The following STK32C variants were observed in gnomAD, a reference collection of about 807,000 sequenced individuals.
STK32C encodes the protein serine/threonine kinase 32C.
STK32C carries 31 observed loss-of-function variants against 56.5 expected under a neutral mutation model. The observed-to-expected ratio is 0.55, with a 90% CI of 0.41 to 0.74. The LOEUF (loss-of-function observed/expected upper bound fraction) is 0.74. Among genes scored for constraint, STK32C ranks in the 30% least tolerant of loss-of-function variants. The pLI, the probability that STK32C is intolerant of heterozygous loss-of-function variation, is 0.00. For synonymous variants in STK32C, 309 were observed against 289.4 expected (o/e 1.07, Z -0.69); for missense variants, 544 against 676.9 (o/e 0.80, Z 2.18).
At chr10:132,225,145 A>T in intron 7 of STK32C, 88 bp downstream of exon 7, 1 of 1,087,702 alleles carries the variant, frequency 9.2e-7, no homozygotes. Flanking sequence ...GCACCTGGAC[A>T]CTGGGGCAGC....
chr10:132,304,027 G>A (rs536180920), intron 1 of STK32C, among the ~76,000 whole-genome samples: 4 of 152,332 alleles, frequency 2.6e-5, no homozygotes, highest in African/African-American at 9.6e-5. Context: ...CCAATTGAGC[G>A]GCCACACGTG....
At chr10:132,298,093 T>C (rs2065808120) in intron 1 of STK32C, among the ~76,000 whole-genome samples, 1 of 152,192 alleles carries the variant, frequency 6.6e-6, no homozygotes, top group Non-Finnish European at 1.5e-5. Context: ...CACCACTCCC[T>C]GAAGGTCACG....
At chr10:132,267,508 CGTGT>C (rs71472734) in intron 1 of STK32C, among the ~76,000 whole-genome samples, 30,890 of 147,368 alleles carry the variant, frequency 0.21, 3,578 homozygotes, top group Non-Finnish European at 0.3. Context: ...TGTCCCACAT[CGTGT>C]GTGTGTCAGT....
chr10:132,246,071 A>G (rs1456142754), intron 1 of STK32C, 116 bp from the exon 2 acceptor site: 2 of 1,068,258 alleles, frequency 1.9e-6, no homozygotes, highest in Non-Finnish European at 1.4e-6. Context: ...TCATCCTAGA[A>G]GAGGGTCGCC....
At chr10:132,216,389 A>G (rs1278724572) in intron 10 of STK32C, among the ~76,000 whole-genome samples, 1 of 150,982 alleles carries the variant, frequency 6.6e-6, no homozygotes, top group Non-Finnish European at 1.5e-5. Context: ...ACTTGAACTT[A>G]GGAAGCGGAG....
intron 1 of STK32C, among the ~76,000 whole-genome samples, chr10:132,303,467 G>C (rs1227170710): frequency 6.6e-6 from 1 of 152,154 alleles, no homozygotes; most frequent in Non-Finnish European, 1.5e-5. Flanking sequence ...CATCCATAGA[G>C]AAAAAAGCTA....
intron 1 of STK32C, among the ~76,000 whole-genome samples, chr10:132,292,987 G>A (rs2065616816): frequency 6.6e-6 from 1 of 152,068 alleles, no homozygotes; most frequent in Non-Finnish European, 1.5e-5. Flanking sequence ...CAGGACACAA[G>A]ACTGAGCCAA....
intron 1 of STK32C, chr10:132,248,934 T>C: frequency 6.6e-6 from 3 of 456,420 alleles, no homozygotes; most frequent in South Asian, 3.1e-5. Context: ...GGTTAGTCCC[T>C]CCCGGAGAGG....
At chr10:132,262,694 C>T (rs1252072451) in intron 1 of STK32C, among the ~76,000 whole-genome samples, 2 of 142,236 alleles carry the variant, frequency 1.4e-5, no homozygotes, top group Non-Finnish European at 3.0e-5. Context: ...GTGTGGATCA[C>T]GAGGTCAGGA....
intron 1 of STK32C, among the ~76,000 whole-genome samples, chr10:132,246,498 C>T (rs564111227): frequency 7.9e-5 from 12 of 152,322 alleles, no homozygotes; most frequent in African/African-American, 2.2e-4. Flanking sequence ...CAACGAGAGG[C>T]GGCTCAGGGC....
At chr10:132,308,209 G>A (rs1030099931), upstream of STK32C, among the ~76,000 whole-genome samples, 5 of 152,084 alleles carry the variant, frequency 3.3e-5, no homozygotes, top group African/African-American at 7.2e-5. Context: ...GTGGTTCGCC[G>A]GGACACGGGG....
intron 1 of STK32C, among the ~76,000 whole-genome samples, chr10:132,254,464 G>A (rs1007015185): frequency 1.9e-4 from 29 of 150,766 alleles, no homozygotes; most frequent in Middle Eastern, 3.4e-3. Flanking sequence ...ATGTCACCCC[G>A]GCACAATGCG....
chr10:132,208,284 G>C, intron 11 of STK32C, 133 bp from the exon 12 acceptor site: 1 of 1,098,360 alleles, frequency 9.1e-7, no homozygotes. Flanking sequence ...CTCGGTGTCT[G>C]CTGGAGAGGC....
intron 1 of STK32C, among the ~76,000 whole-genome samples, chr10:132,282,177 C>G (rs1347133921): frequency 6.6e-6 from 1 of 152,122 alleles, no homozygotes; most frequent in Non-Finnish European, 1.5e-5. Flanking sequence ...GCTGAAAATG[C>G]CCAGTGCAGG....
At chr10:132,301,751 G>A (rs775166381) in intron 1 of STK32C, among the ~76,000 whole-genome samples, 29 of 152,252 alleles carry the variant, frequency 1.9e-4, no homozygotes, top group Non-Finnish European at 3.2e-4. Context: ...CCTTCAAGAG[G>A]ACTGAGAGGA....
chr10:132,264,646 G>A (rs1407355616), intron 1 of STK32C, among the ~76,000 whole-genome samples: 1 of 152,218 alleles, frequency 6.6e-6, no homozygotes, highest in Non-Finnish European at 1.5e-5. Context: ...CTGATGGGGG[G>A]CATGGATGCA....
In STK32C at chr10:132,253,491, AGG is replaced by A. The variant is rs1176311213; in HGVS notation, c.263-7538_263-7537del. On this transcript the variant is annotated intron_variant, in intron 1 of 11. Coordinates refer to ENST00000298630, the MANE Select transcript of STK32C (RefSeq NM_173575.4). ...AGCTGGAGGGAGTCGAGGGAGCTGG[AGG>A]GAGTCGAGGGAGCTGAGGGAGCTGA... is the stretch of plus-strand genomic sequence containing the variant. 3.1e-4 allele frequency among the ~76,000 whole-genome samples: 28 copies of A among 89,292 alleles called. No individual in the cohort carries two copies. The East Asian group carries it at 0.011, about 34-fold the overall frequency. The allele number at this position is 89,292 out of a possible 152,430, so 58.6% of individuals were successfully genotyped here. A position where few individuals can be genotyped will look rare whatever the true frequency, so the allele number is the denominator to read the frequency against.
chr10:132,307,426 C>T lies in STK32C; in HGVS notation c.262+146G>A. Reference sequence around the variant, plus strand: ...CCCAGAACTCGCGTGGGGCCGCAGCCACCCGGCGCGAGCTTCTCCGGAAGC... The same window carrying T: ...CCCAGAACTCGCGTGGGGCCGCAGCTACCCGGCGCGAGCTTCTCCGGAAGC... On this transcript the variant is annotated intron_variant, in intron 1 of 11. Coordinates refer to ENST00000298630, the MANE Select transcript of STK32C (RefSeq NM_173575.4). The surrounding 1 kb of genome is among the most constrained non-coding windows in gnomAD (Gnocchi z 4.4). 1.1e-6 allele frequency: 1 copy of T among 941,358 alleles called. No homozygotes were observed. The highest frequency in any genetic ancestry group is 3.7e-5 in the East Asian group (1 of 27,110). 58.3% of individuals were successfully genotyped at this position (941,358 alleles called of 1,614,324 possible).
At chr10:132,305,914 G>A (rs895658772) in intron 1 of STK32C, among the ~76,000 whole-genome samples, 2 of 152,164 alleles carry the variant, frequency 1.3e-5, no homozygotes, top group Non-Finnish European at 2.9e-5. Flanking sequence ...CAAGCCATAC[G>A]GAGCCAGCAG....
Sources: allele counts gnomAD v4.1 joint callset (sites outside exome capture counted in the v4.1 genomes callset), GRCh38; gene constraint gnomAD v4.1.1; non-coding constraint Gnocchi (gnomAD v3.1); transcripts MANE v1.5; gene names NCBI Gene and HGNC (gene_info 2026-07-23, HGNC 2026-07-21).